Variants in H2AZ2 observed in about 807,000 individuals in gnomAD.
The protein encoded by H2AZ2 is histone H2A.V.
Under a neutral mutation model 15.5 loss-of-function variants are expected in H2AZ2, and 5 were observed. The ratio of observed to expected loss-of-function variants is 0.32; its 90% CI spans 0.17 to 0.68. H2AZ2 has a LOEUF of 0.68. H2AZ2 is among the 30% of genes least tolerant of loss of function. The pLI is 0.72. For synonymous variants in H2AZ2, 44 were observed against 57.4 expected (o/e 0.77, Z 1.05); for missense variants, 42 against 162.5 (o/e 0.26, Z 4.03).
intron 1 of H2AZ2, among the ~76,000 whole-genome samples, chr7:44,846,695 T>C (rs1441462704): frequency 7.2e-6 from 1 of 138,564 alleles, no homozygotes; most frequent in Non-Finnish European, 1.6e-5. Context: ...ATCATGAAAA[T>C]CATCTGTTTG....
Position 44,848,029 on chromosome 7 carries a change from GCCGCCGCCGCCGCTCTCGCAGCACCGA to G in H2AZ2, c.-85_-59del, listed in dbSNP as rs1423079036. On this transcript the variant is annotated 5_prime_UTR_variant, in exon 1 of 5. Transcript: ENST00000308153. ...GCGCGCCCTCCCGCTGCCGACCCGCGCCGCCGCCGCCGCTCTCGCAGCACCGACCGCCGCCGCCGGAGCCGGACAATA... is the reference window on the plus strand; with the variant it reads ...GCGCGCCCTCCCGCTGCCGACCCGCGCCGCCGCCGCCGGAGCCGGACAATA... 2.0e-5 allele frequency: 21 copies of G among 1,044,092 alleles called. No individual in the cohort carries two copies. The highest frequency in any genetic ancestry group is 1.0e-4 in the South Asian group (3 of 29,590). 64.7% of individuals were successfully genotyped at this position (1,044,092 alleles called of 1,614,324 possible).
At chr7:44,836,872 T>G (rs532648918) in intron 3 of H2AZ2, among the ~76,000 whole-genome samples, 1 of 151,384 alleles carries the variant, frequency 6.6e-6, no homozygotes, top group Non-Finnish European at 1.5e-5. Flanking sequence ...GGCAGGCACC[T>G]GTAGTCCCAG....
chr7:44,847,385 G>T (rs1436165893), intron 1 of H2AZ2, among the ~76,000 whole-genome samples: 1 of 152,108 alleles, frequency 6.6e-6, no homozygotes, highest in East Asian at 1.9e-4. Context: ...AATGAAAACC[G>T]CAAACTGCAA....
chr7:44,843,051 A>T (rs1793310307), intron 2 of H2AZ2, among the ~76,000 whole-genome samples: 1 of 145,604 alleles, frequency 6.9e-6, no homozygotes, highest in Admixed American at 7.1e-5. Context: ...AGGCAGGAGA[A>T]TCGCTTGAAT....
chr7:44,830,157 C>T, downstream of H2AZ2: 1 of 1,613,736 alleles, frequency 6.2e-7, no homozygotes, highest in Non-Finnish European at 8.5e-7. Context: ...AGAACACCTT[C>T]TCTTCTCTAA....
chr7:44,847,823 G>GC (rs1316337708), intron 1 of H2AZ2, 146 bp downstream of exon 1: 4 of 1,126,374 alleles, frequency 3.6e-6, no homozygotes, highest in Admixed American at 2.8e-5. Context: ...GGGACATGGC[G>GC]CCCCCCGGCG....
chr7:44,832,244 C>T lies in H2AZ2; in HGVS notation c.*2257G>A, dbSNP rs1391333265. On this transcript the variant is annotated 3_prime_UTR_variant, in exon 5 of 5. Coordinates refer to ENST00000308153, the MANE Select transcript of H2AZ2 (RefSeq NM_012412.5). ...CAGGAAGTTTGAATATTGACTGGTA[C>T]TTGGCATCAAAAAATGTTTTAGCAG... 6.6e-6 allele frequency among the ~76,000 whole-genome samples: 1 copy of T among 152,052 alleles called. No individual in the cohort carries two copies. Among genetic ancestry groups the T allele is most frequent in the Admixed American group, 6.6e-5 (1 of 15,262 alleles).
chr7:44,845,651 A>C (rs570234650), intron 1 of H2AZ2, among the ~76,000 whole-genome samples: 1 of 152,334 alleles, frequency 6.6e-6, no homozygotes, highest in East Asian at 1.9e-4. Flanking sequence ...ACTCTGCTTA[A>C]GCAATTTTAT....
chr7:44,833,724 T>C lies in H2AZ2; in HGVS notation c.*777A>G, dbSNP rs1278514850. On this transcript the variant is annotated 3_prime_UTR_variant, in exon 5 of 5. Transcript: ENST00000308153. Reference sequence around the variant, plus strand: ...ATCAATTCCAGGTAAAACTAGGCTCTGGAGTCAGCCAGATCTAGGTTTGAA... The same window carrying C: ...ATCAATTCCAGGTAAAACTAGGCTCCGGAGTCAGCCAGATCTAGGTTTGAA... 1 of 983,772 alleles carries C rather than the reference T, an allele frequency of 1.0e-6. No individual in the cohort carries two copies. The highest frequency in any genetic ancestry group is 1.7e-5 in the African/African-American group (1 of 57,218). 60.9% of individuals were successfully genotyped at this position (983,772 alleles called of 1,614,324 possible).
At position 44,840,927 on chromosome 7, in the gene H2AZ2, GC is replaced by G; in HGVS notation, c.166del (p.Ala56LeufsTer24). 6.2e-7 allele frequency: 1 copy of G among 1,613,990 alleles called. No individual in the cohort carries two copies. Among genetic ancestry groups the G allele is most frequent in the Non-Finnish European group, 8.5e-7 (1 of 1,179,894 alleles). Reference protein sequence around the residue: ...RVGATAAVYSAAILEYLTAEV... With the variant: ...RVGATAAVYSXAILEYLTAEV... ...TGCAGTGAGGTACTCCAGAATCGCA[GC>G]ACTGTACACGGCAGCAGTGGCACCC... On this transcript the variant is annotated frameshift_variant, in exon 3 of 5. Transcript: ENST00000308153. LOFTEE classifies it high-confidence loss of function.
intron 3 of H2AZ2, 38 bp from the exon 4 acceptor site, chr7:44,835,696 C>A (rs1562785586): frequency 1.3e-6 from 2 of 1,522,296 alleles, no homozygotes; most frequent in Non-Finnish European, 8.9e-7. Context: ...AAATGAAGGA[C>A]CTAGGATCCC....
intron 4 of H2AZ2, 84 bp downstream of exon 4, chr7:44,835,445 G>A (rs754631207): frequency 1.2e-4 from 133 of 1,126,434 alleles, no homozygotes; most frequent in East Asian, 2.3e-4. Context: ...CTAGTTAACC[G>A]ATCAAATATA....
rs1356142315 is a variant in H2AZ2, at chr7:44,836,545, T to A, written c.196-887A>T. 9.2e-5 allele frequency among the ~76,000 whole-genome samples: 14 copies of A among 151,602 alleles called. No homozygotes were observed. The East Asian group carries it at 2.8e-3, about 30-fold the overall frequency. On this transcript the variant is annotated intron_variant, in intron 3 of 4. Transcript: ENST00000308153. Reference sequence around the variant, plus strand: ...ATAATTTCTTTTTTTTGAGATGGAGTCTTGCTGTGTTGCCCAGGCTGCAGT... The same window carrying A: ...ATAATTTCTTTTTTTTGAGATGGAGACTTGCTGTGTTGCCCAGGCTGCAGT...
At position 44,848,068 on chromosome 7, in the gene H2AZ2, G is replaced by GCTCTCGCAGCACC; in HGVS notation, c.-98_-97insGGTGCTGCGAGAG. 1.4e-6 allele frequency: 1 copy of GCTCTCGCAGCACC among 733,010 alleles called. No homozygotes were observed. Among genetic ancestry groups the GCTCTCGCAGCACC allele is most frequent in the Non-Finnish European group, 1.9e-6 (1 of 537,178 alleles). 45.4% of individuals were successfully genotyped at this position (733,010 alleles called of 1,614,324 possible). On this transcript the variant is annotated 5_prime_UTR_variant, in exon 1 of 5. Transcript: ENST00000308153. Reference sequence around the variant, plus strand: ...TCTCGCAGCACCGACCGCCGCCGCCGGAGCCGGACAATACCCCGTGCCCGC... The same window carrying GCTCTCGCAGCACC: ...TCTCGCAGCACCGACCGCCGCCGCCGCTCTCGCAGCACCGAGCCGGACAATACCCCGTGCCCGC...
At chr7:44,830,265 T>A, downstream of H2AZ2, 1 of 1,145,094 alleles carries the variant, frequency 8.7e-7, no homozygotes. Flanking sequence ...ACAAGTAAAA[T>A]GTTAACTATA....
rs964033824 is a variant in H2AZ2 at position 44,833,631 on chromosome 7, G to A, written c.*870C>T. On this transcript the variant is annotated 3_prime_UTR_variant, in exon 5 of 5. Transcript: ENST00000308153. Reference sequence around the variant, plus strand: ...CTCCCGAAGTGTTGGGATTACAGGCGTAAACCACAATGCCAGGCCAAAAAT... The same window carrying A: ...CTCCCGAAGTGTTGGGATTACAGGCATAAACCACAATGCCAGGCCAAAAAT... 37 of 960,670 alleles carry A rather than the reference G, an allele frequency of 3.9e-5. No individual in the cohort carries two copies. The highest frequency in any genetic ancestry group is 1.1e-4 in the East Asian group (1 of 8,698). 59.5% of individuals were successfully genotyped at this position (960,670 alleles called of 1,614,324 possible).
At chr7:44,829,787 ACT>A (rs908540615), downstream of H2AZ2, 2 of 188,954 alleles carry the variant, frequency 1.1e-5, no homozygotes, top group African/African-American at 4.7e-5. Flanking sequence ...CCAGGTTCTC[ACT>A]CTTTCCAGTG....
At chr7:44,831,423 C>T (rs1279175281), downstream of H2AZ2, among the ~76,000 whole-genome samples, 1 of 152,048 alleles carries the variant, frequency 6.6e-6, no homozygotes, top group Non-Finnish European at 1.5e-5. Flanking sequence ...AGTAACTATA[C>T]TATCAAAATG....
At chr7:44,831,628 T>G (rs1398594862), downstream of H2AZ2, among the ~76,000 whole-genome samples, 1 of 150,688 alleles carries the variant, frequency 6.6e-6, no homozygotes, top group Non-Finnish European at 1.5e-5. Context: ...TGGGCGCCTA[T>G]TCAATCAGAA....
Sources: allele counts gnomAD v4.1 joint callset (sites outside exome capture counted in the v4.1 genomes callset), GRCh38; gene constraint gnomAD v4.1.1; transcripts MANE v1.5; gene names NCBI Gene and HGNC (gene_info 2026-07-23, HGNC 2026-07-21).